HIVEP3: variants seen among roughly 807,000 people sequenced by gnomAD.
HIVEP3 encodes transcription factor HIVEP3.
A neutral mutation model predicts 152.8 loss-of-function variants in HIVEP3; 49 were observed. The ratio of observed to expected loss-of-function variants is 0.32; its 90% confidence interval spans 0.26 to 0.41. The LOEUF (loss-of-function observed/expected upper bound fraction) is 0.41. Ranked by LOEUF, HIVEP3 falls within the 10% of genes least tolerant of loss-of-function variation. The pLI is 1.00. For missense variants in HIVEP3, 2,790 were observed against 3,103.3 expected, an observed-to-expected ratio of 0.90 and a Z score of 2.40; for synonymous variants, 1,269 against 1,289.0, an observed-to-expected ratio of 0.98 and a Z score of 0.33.
intron 1 of HIVEP3, among the ~76,000 whole-genome samples, chr1:41,836,519 T>C (rs1259441749): frequency 6.6e-6 from 1 of 152,202 alleles, no homozygotes; most frequent in Non-Finnish European, 1.5e-5. Flanking sequence ...TCCTTACGAG[T>C]AATCCCATCA....
intron 3 of HIVEP3, among the ~76,000 whole-genome samples, chr1:41,598,239 A>C (rs1295855434): frequency 2.0e-5 from 3 of 152,192 alleles, no homozygotes. Flanking sequence ...CATTTGCTGC[A>C]GTGGCCTGAT....
At chr1:41,737,798 A>T (rs550724745) in intron 1 of HIVEP3, among the ~76,000 whole-genome samples, 2 of 152,300 alleles carry the variant, frequency 1.3e-5, no homozygotes, top group East Asian at 3.9e-4. Context: ...GCTCATGACA[A>T]AACTGGGCAG....
intron 1 of HIVEP3, among the ~76,000 whole-genome samples, chr1:41,940,580 A>G (rs1439052716): frequency 2.0e-5 from 3 of 152,254 alleles, no homozygotes; most frequent in African/African-American, 7.2e-5. Flanking sequence ...TTACATAAAT[A>G]TCTACAATAT....
chr1:41,991,802 G>C (rs1645363386), intron 1 of HIVEP3, among the ~76,000 whole-genome samples: 1 of 130,268 alleles, frequency 7.7e-6, no homozygotes, highest in South Asian at 2.8e-4. Context: ...TATCCACCAT[G>C]ATCAAGTGGG....
Position 41,584,908 on chromosome 1 carries a change from G to T in HIVEP3, c.-111C>A. Reference sequence around the variant, plus strand: ...CCAGCTTTGGCCACATTGGTCAAGAGCTGTGGGAGCCAAACCCAAGACGGC... The same window carrying T: ...CCAGCTTTGGCCACATTGGTCAAGATCTGTGGGAGCCAAACCCAAGACGGC... On this transcript the variant is annotated 5_prime_UTR_variant, in exon 4 of 9. Coordinates refer to ENST00000372583, the MANE Select transcript of HIVEP3 (RefSeq NM_024503.5). This position sits in a 1 kb window ranked among gnomAD's most constrained non-coding sequence, Gnocchi z 5.2. 2 of 1,059,882 alleles carry T rather than the reference G, an allele frequency of 1.9e-6. No individual in the cohort carries two copies. Among genetic ancestry groups the T allele is most frequent in the Non-Finnish European group, 2.6e-6 (2 of 783,520 alleles). 65.7% of individuals were successfully genotyped at this position (1,059,882 alleles called of 1,614,324 possible).
intron 3 of HIVEP3, among the ~76,000 whole-genome samples, chr1:41,624,096 C>T (rs1290256603): frequency 2.0e-5 from 3 of 152,176 alleles, no homozygotes; most frequent in Non-Finnish European, 4.4e-5. Context: ...CCCTGGGTTG[C>T]GAAGAGTACT....
Position 41,888,185 on chromosome 1 carries a change from A to G in HIVEP3, c.-801+30228T>C, listed in dbSNP as rs868278630. Among the ~76,000 whole-genome samples, 296 of 140,046 alleles carry G rather than the reference A, an allele frequency of 2.1e-3. 1 individual carries two copies. Among genetic ancestry groups the G allele is most frequent in the African/African-American group, 5.0e-3 (187 of 37,632 alleles). The allele number at this position is 140,046 out of a possible 152,430, so 91.9% of individuals were successfully genotyped here. A position where few individuals can be genotyped will look rare whatever the true frequency, so the allele number is the denominator to read the frequency against. On this transcript the variant is annotated intron_variant, in intron 1 of 8. Transcript: ENST00000372583. ...CAAGTAGCTGGGACTACAGGCACCC[A>G]CCACCACGCCCGGCTAATTTTTTTT...
chr1:41,581,700 G>C lies in HIVEP3; in HGVS notation c.3098C>G (p.Ala1033Gly). 2 of 1,613,576 alleles carry C rather than the reference G, an allele frequency of 1.2e-6. No individual in the cohort carries two copies. The highest frequency in any genetic ancestry group is 1.7e-6 in the Non-Finnish European group (2 of 1,179,794). The change falls in exon 4 of 9, where the codon GCG becomes GGG. Residue 1033 changes from alanine (A) to glycine (G), a missense_variant. By Grantham distance (60) the Ala-to-Gly change is moderately conservative. Around this residue, in one of 9 missense-constraint regions of HIVEP3, gnomAD observed 1,078 missense variants for 1,165.3 expected, o/e 0.93. Coordinates refer to ENST00000372583, the MANE Select transcript of HIVEP3 (RefSeq NM_024503.5). The surrounding 1 kb of genome is among the most constrained non-coding windows in gnomAD (Gnocchi z 4.5). ...PSAPAPVAPP[A>G]RVAPPERRKC... is the part of the protein sequence containing the mutation. ...TCTTCTCTCTGGCGGGGCCACCCGC[G>C]CTGGTGGAGCCACTGGGGCTGGAGC... is the stretch of plus-strand genomic sequence containing the variant.
intron 1 of HIVEP3, among the ~76,000 whole-genome samples, chr1:41,906,679 C>T (rs1229844084): frequency 6.6e-6 from 1 of 152,128 alleles, no homozygotes; most frequent in Non-Finnish European, 1.5e-5. Context: ...AATTTTATTA[C>T]ATGTAAATTA....
chr1:42,032,667 C>G (rs540630821), intron 1 of HIVEP3, among the ~76,000 whole-genome samples: 2 of 152,114 alleles, frequency 1.3e-5, no homozygotes, highest in African/African-American at 2.4e-5. Context: ...CACCATTCCC[C>G]TGGGAATGTC....
intron 3 of HIVEP3, among the ~76,000 whole-genome samples, chr1:41,608,734 CT>C (rs1644855935): frequency 6.6e-6 from 1 of 152,208 alleles, no homozygotes; most frequent in Non-Finnish European, 1.5e-5. Flanking sequence ...CCACGGATGA[CT>C]TCCTATCTTG....
chr1:41,616,039 G>A (rs1250209668), intron 3 of HIVEP3, among the ~76,000 whole-genome samples: 1 of 152,060 alleles, frequency 6.6e-6, no homozygotes, highest in Non-Finnish European at 1.5e-5. Context: ...GAGAAGAAAT[G>A]ACTGATTTCC....
chr1:41,818,063 T>C (rs911484877), intron 1 of HIVEP3, among the ~76,000 whole-genome samples: 7 of 152,204 alleles, frequency 4.6e-5, no homozygotes, highest in African/African-American at 1.7e-4. Context: ...GCATCTGCGA[T>C]GTCTAAACAC....
intron 1 of HIVEP3, among the ~76,000 whole-genome samples, chr1:41,729,361 C>T (rs1558217781): frequency 6.6e-6 from 1 of 152,230 alleles, no homozygotes; most frequent in Admixed American, 6.5e-5. Context: ...TGTAAATCAA[C>T]TGCTCATCTG....
rs753664684 is a variant in HIVEP3 at position 41,583,662 on chromosome 1, G to A, written c.1136C>T (p.Ala379Val). Reference sequence around the variant, plus strand: ...CCCTTTGCTGCCTGGGCTCAGAAACGCCTGCTCATCGATCACCTTCTTCCT... The same window carrying A: ...CCCTTTGCTGCCTGGGCTCAGAAACACCTGCTCATCGATCACCTTCTTCCT... ...SERKKVIDEQ[A>V]FLSPGSKGST... is the part of the protein sequence containing the mutation. The change falls in exon 4 of 9, where the codon GCG (alanine) becomes GTG (valine). Residue 379 changes from alanine (A) to valine (V), a missense_variant. Transcript: ENST00000372583. This position sits in a 1 kb window ranked among gnomAD's most constrained non-coding sequence, Gnocchi z 6.9. The A allele has an allele frequency of 8.1e-6, 13 of 1,614,042 alleles. No homozygotes were observed. Among genetic ancestry groups the A allele is most frequent in the Middle Eastern group, 1.6e-4 (1 of 6,082 alleles).
At chr1:41,647,163 T>TC (rs1200855562) in intron 2 of HIVEP3, among the ~76,000 whole-genome samples, 2 of 152,280 alleles carry the variant, frequency 1.3e-5, no homozygotes, top group African/African-American at 4.8e-5. Flanking sequence ...TCTGCTACCT[T>TC]CCCTCCCCTT....
chr1:41,986,544 C>T (rs920762232), intron 1 of HIVEP3, among the ~76,000 whole-genome samples: 2 of 151,752 alleles, frequency 1.3e-5, no homozygotes, highest in South Asian at 2.1e-4. Flanking sequence ...GAGTTCCCAC[C>T]ACTCTCCTGC....
At chr1:41,862,347 G>T (rs565125752) in intron 1 of HIVEP3, among the ~76,000 whole-genome samples, 1 of 152,296 alleles carries the variant, frequency 6.6e-6, no homozygotes, top group South Asian at 2.1e-4. Context: ...GCAGTCATGA[G>T]AACAAGATAG....
intron 1 of HIVEP3, among the ~76,000 whole-genome samples, chr1:41,875,756 C>T (rs1644159338): frequency 6.6e-6 from 1 of 152,244 alleles, no homozygotes; most frequent in African/African-American, 2.4e-5. Flanking sequence ...GCTGTCCCCA[C>T]CCCTCTAGGA....
Sources: gnomAD v4.1 joint callset for allele counts (sites outside exome capture counted in the v4.1 genomes callset) on GRCh38, gnomAD v4.1.1 for gene constraint, gnomAD v4.1.1 regional missense constraint, Gnocchi (gnomAD v3.1) non-coding constraint, MANE v1.5 for transcripts, NCBI Gene and HGNC (gene_info 2026-07-23, HGNC 2026-07-21) for gene names.